The following SGCB variants were observed in gnomAD, a reference collection of about 807,000 sequenced individuals.
SGCB encodes the protein beta-sarcoglycan.
In SGCB, 25 loss-of-function variants were observed where a neutral mutation model predicts 27.3. The observed-to-expected ratio is 0.92, with a 90% confidence interval of 0.67 to 1.28. SGCB has a LOEUF of 1.28. Ranked by LOEUF, SGCB falls within the 50% of genes most tolerant of loss-of-function variation. The pLI is 0.00. For synonymous variants in SGCB, 147 were observed against 133.5 expected (o/e 1.10, Z -0.70); for missense variants, 436 against 402.1 (o/e 1.08, Z -0.72).
intron 1 of SGCB, among the ~76,000 whole-genome samples, chr4:52,037,583 A>T (rs1204308740): frequency 6.6e-6 from 1 of 152,242 alleles, no homozygotes; most frequent in Non-Finnish European, 1.5e-5. Context: ...ATGTATGCAT[A>T]CGTATAACTA....
At chr4:52,026,289 T>C (rs1479030198) in intron 5 of SGCB, among the ~76,000 whole-genome samples, 1 of 147,186 alleles carries the variant, frequency 6.8e-6, no homozygotes, top group Non-Finnish European at 1.5e-5. Context: ...GACGGAGTTT[T>C]GCTCTGTCTC....
intron 2 of SGCB, among the ~76,000 whole-genome samples, chr4:52,033,008 T>C (rs1737292251): frequency 6.6e-6 from 1 of 152,196 alleles, no homozygotes; most frequent in South Asian, 2.1e-4. Flanking sequence ...GGTTTAAAAT[T>C]TTAAAATCCA....
chr4:52,031,635 T>G (rs1341850548), intron 2 of SGCB, among the ~76,000 whole-genome samples: 2 of 152,150 alleles, frequency 1.3e-5, no homozygotes, highest in African/African-American at 4.8e-5. Flanking sequence ...TTAGGGCTTT[T>G]GTTTTTTTGG....
chr4:52,026,277 G>A (rs1316929908), intron 5 of SGCB, among the ~76,000 whole-genome samples: 1 of 9,808 alleles, frequency 1.0e-4, no homozygotes, highest in Non-Finnish European at 2.2e-4. Flanking sequence ...TTTTTTTTTT[G>A]AGACGGAGTT....
At chr4:52,028,676 T>A in intron 4 of SGCB, 54 bp downstream of exon 4, 1 of 1,312,784 alleles carries the variant, frequency 7.6e-7, no homozygotes, top group Non-Finnish European at 1.1e-6. Context: ...TCCCACTTTA[T>A]AACTCTAGAG....
At position 52,024,008 on chromosome 4, in the gene SGCB, G is replaced by A. The variant is rs1737020220; in HGVS notation, c.906C>T (p.Ser302=). The change falls in exon 6 of 6, where the codon AGC becomes AGT. Residue 302 remains serine (S), a synonymous_variant. Coordinates refer to ENST00000381431, the MANE Select transcript of SGCB (RefSeq NM_000232.5). ...DGTLFKVQVT[S]QNMGCQISDN... is the part of the protein sequence containing the mutation. ...CTGAGATTTGGCAGCCCATGTTCTGGCTGGTTACTTGCACCTTGAAGAGCG... is the reference window on the plus strand; with the variant it reads ...CTGAGATTTGGCAGCCCATGTTCTGACTGGTTACTTGCACCTTGAAGAGCG... 1 of 1,614,134 alleles carries A rather than the reference G, an allele frequency of 6.2e-7. No individual in the cohort carries two copies.
At chr4:52,036,649 T>C (rs1737401042) in intron 1 of SGCB, among the ~76,000 whole-genome samples, 1 of 152,044 alleles carries the variant, frequency 6.6e-6, no homozygotes, top group Non-Finnish European at 1.5e-5. Context: ...TGTTAAGAGG[T>C]AGAACTGTCA....
intron 1 of SGCB, among the ~76,000 whole-genome samples, chr4:52,034,331 C>CAAAAAAAAAAAAAAAAAA (rs541129158): frequency 7.5e-5 from 2 of 26,516 alleles, no homozygotes; most frequent in African/African-American, 2.9e-4. Context: ...GACTCCGTCT[C>CAAAAAAAAAAAAAAAAAA]AAAAAAAAAA....
chr4:52,029,644 G>C (rs1042566703), intron 3 of SGCB, 34 bp downstream of exon 3: 3 of 1,462,646 alleles, frequency 2.1e-6, no homozygotes, highest in Admixed American at 1.7e-5. Flanking sequence ...CCCCTCTCCT[G>C]TTTGCATTTC....
At chr4:52,029,415 T>C (rs952846824) in intron 3 of SGCB, among the ~76,000 whole-genome samples, 2 of 152,128 alleles carry the variant, frequency 1.3e-5, no homozygotes. Context: ...TCATAGAAAA[T>C]GCTACCATTG....
At chr4:52,030,704 G>A (rs1368259375) in intron 2 of SGCB, among the ~76,000 whole-genome samples, 1 of 152,158 alleles carries the variant, frequency 6.6e-6, no homozygotes, top group African/African-American at 2.4e-5. Flanking sequence ...CTGCACAGCT[G>A]TAATCATAAA....
intron 5 of SGCB, among the ~76,000 whole-genome samples, chr4:52,027,239 G>A (rs1423392731): frequency 6.6e-6 from 1 of 151,960 alleles, no homozygotes; most frequent in Non-Finnish European, 1.5e-5. Context: ...AAGGCATTTT[G>A]AATAAGTATA....
At position 52,024,165 on chromosome 4, in the gene SGCB, T is replaced by C. The variant is rs946854788; in HGVS notation, c.754-5A>G. The C allele has an allele frequency of 3.1e-6, 5 of 1,608,874 alleles. No homozygotes were observed. Among genetic ancestry groups the C allele is most frequent in the Non-Finnish European group, 4.3e-6 (5 of 1,175,934 alleles). Reference sequence around the variant, plus strand: ...ATTTAGGATGATACTGTTTTCCTATTAGGAGAATAGTAATATGATTTATTT... The same window carrying C: ...ATTTAGGATGATACTGTTTTCCTATCAGGAGAATAGTAATATGATTTATTT... On this transcript the variant is annotated splice_polypyrimidine_tract_variant and splice_region_variant and intron_variant, in intron 5 of 5. Coordinates refer to ENST00000381431, the MANE Select transcript of SGCB (RefSeq NM_000232.5).
rs2109380838 is a variant in SGCB at position 52,038,235 on chromosome 4, C to T, written c.25G>A (p.Ala9Thr). The T allele has an allele frequency of 1.6e-6, 2 of 1,287,510 alleles. No homozygotes were observed. Among genetic ancestry groups the T allele is most frequent in the South Asian group, 2.5e-5 (1 of 39,922 alleles). The allele number at this position is 1,287,510 out of a possible 1,614,324, so 79.8% of individuals were successfully genotyped here. MAAAAAAA[A>T]EQQSSNGPVK... ...CGGCGGTACTCACAGACCTGTTCTG[C>T]AGCCGCCGCCGCCGCTGCCGCCATC... Residue 9 changes from alanine to threonine, a missense_variant, in exon 1 of 6, where the codon GCA (alanine) becomes ACA (threonine). Transcript: ENST00000381431.
At position 52,033,575 on chromosome 4, in the gene SGCB, A is replaced by G. The variant is rs1343682089; in HGVS notation, c.99T>C (p.Asn33=). The change falls in exon 2 of 6, where the codon AAT becomes AAC. Residue 33 remains asparagine (N), a synonymous_variant. Transcript: ENST00000381431. ...CTTTAAAGTTACTGTTGTGCTCTTTATTGACACTCCTTCTCTCAACAGCCT... is the reference window on the plus strand; with the variant it reads ...CTTTAAAGTTACTGTTGTGCTCTTTGTTGACACTCCTTCTCTCAACAGCCT... The part of the protein sequence containing the change: ...REKAVERRSV[N]KEHNSNFKAG... 6.2e-7 allele frequency: 1 copy of G among 1,613,890 alleles called. No homozygotes were observed. The highest frequency in any genetic ancestry group is 8.5e-7 in the Non-Finnish European group (1 of 1,179,820).
At chr4:52,033,680 C>T in intron 1 of SGCB, 40 bp from the exon 2 acceptor site, 1 of 1,491,788 alleles carries the variant, frequency 6.7e-7, no homozygotes, top group Non-Finnish European at 9.3e-7. Flanking sequence ...GCTATACCCT[C>T]TCGTTTTGGT....
intron 2 of SGCB, among the ~76,000 whole-genome samples, chr4:52,033,170 T>C (rs540912564): frequency 2.6e-5 from 4 of 152,338 alleles, no homozygotes; most frequent in South Asian, 2.1e-4. Context: ...GCTCTACCGA[T>C]TGAGCTAGGT....
chr4:52,030,120 T>C lies in SGCB; in HGVS notation c.244-257A>G, dbSNP rs1212053989. Among the ~76,000 whole-genome samples, 5 of 152,276 alleles carry C rather than the reference T, an allele frequency of 3.3e-5. No individual in the cohort carries two copies. In the East Asian group the frequency reaches 9.6e-4, roughly 29 times the overall value. ...GAATAGTTTCTTATTTTTTCTACCC[T>C]CTCCACATCTCATTCCCAGGAACAA... On this transcript the variant is annotated intron_variant, in intron 2 of 5. Transcript: ENST00000381431.
chr4:52,031,729 C>A, intron 2 of SGCB: 1 of 263,270 alleles, frequency 3.8e-6, no homozygotes, highest in South Asian at 3.7e-5. Flanking sequence ...TTTTTCAATT[C>A]TTGGCACTTT....
Sources: allele counts gnomAD v4.1 joint callset (sites outside exome capture counted in the v4.1 genomes callset), GRCh38; gene constraint gnomAD v4.1.1; transcripts MANE v1.5; gene names NCBI Gene and HGNC (gene_info 2026-07-23, HGNC 2026-07-21).